Variants in CD8A observed in about 807,000 individuals in gnomAD.
CD8A encodes CD8 subunit alpha.
Under a neutral mutation model 24.2 loss-of-function variants are expected in CD8A, and 25 were observed. The observed-to-expected ratio is 1.03, with a 90% CI of 0.75 to 1.44. The LOEUF (loss-of-function observed/expected upper bound fraction) is 1.44. CD8A is among the 40% of genes most tolerant of loss of function. The pLI is 0.00. For missense variants in CD8A, 360 were observed against 319.7 expected (o/e 1.13, Z -0.96); for synonymous variants, 165 against 149.9 (o/e 1.10, Z -0.74).
At chr2:86,802,217 T>C (rs1315986940) in intron 2 of CD8A, among the ~76,000 whole-genome samples, 1 of 152,084 alleles carries the variant, frequency 6.6e-6, no homozygotes, top group Non-Finnish European at 1.5e-5. Flanking sequence ...TTTGTATTTT[T>C]AGTAGAGACA....
rs1553430165 is a variant in CD8A, at chr2:86,787,036, A to AAG, written c.657-1066_657-1065insCT. Among the ~76,000 whole-genome samples the AAG allele has an allele frequency of 1.3e-4, 19 of 141,146 alleles. No individual in the cohort carries two copies. In the East Asian group the frequency reaches 1.6e-3, roughly 12 times the overall value. The allele number at this position is 141,146 out of a possible 152,430, so 92.6% of individuals were successfully genotyped here. ...CTCCGTCTCAAAAAAAAAAAAAAAA[A>AAG]AAAAGAAAAGAAAAGAAAAGAAAAG... On this transcript the variant is annotated intron_variant, in intron 5 of 5. Transcript: ENST00000283635.
intron 2 of CD8A, among the ~76,000 whole-genome samples, chr2:86,806,369 TG>T (rs1673896972): frequency 6.6e-6 from 1 of 152,118 alleles, no homozygotes; most frequent in South Asian, 2.1e-4. Flanking sequence ...GGTGTGGACC[TG>T]GAAAAAGGAA....
intron 4 of CD8A, 47 bp downstream of exon 4, chr2:86,789,276 G>T: frequency 1.6e-6 from 2 of 1,244,852 alleles, no homozygotes; most frequent in Non-Finnish European, 1.2e-6. Flanking sequence ...AGAGCCAAGG[G>T]CAGGAGCGGG....
At chr2:86,803,979 C>A (rs1320387103) in intron 2 of CD8A, among the ~76,000 whole-genome samples, 1 of 152,164 alleles carries the variant, frequency 6.6e-6, no homozygotes, top group African/African-American at 2.4e-5. Context: ...ATGAACAAGT[C>A]AAATAAAGTA....
chr2:86,787,078 C>A (rs1293829812), intron 5 of CD8A, among the ~76,000 whole-genome samples: 1 of 125,796 alleles, frequency 7.9e-6, no homozygotes, highest in Admixed American at 8.9e-5. Context: ...ACTTCCCCCC[C>A]CACTTTTTTT....
intron 4 of CD8A, 87 bp downstream of exon 4, chr2:86,789,236 C>A: frequency 3.4e-6 from 3 of 877,794 alleles, no homozygotes; most frequent in Middle Eastern, 2.3e-4. Flanking sequence ...ACCCCAAGCT[C>A]CCCCCTCGCA....
rs201744175 is a variant in CD8A at position 86,786,012 on chromosome 2, C to T, written c.657-41G>A. The stretch of plus-strand genomic sequence containing the variant: ...GCGACCATCATTGTAGCCAGAACCC[C>T]GCCAGTGCAGCATCCATCCAGCCAC... On this transcript the variant is annotated intron_variant, in intron 5 of 5. Coordinates refer to ENST00000283635, the MANE Select transcript of CD8A (RefSeq NM_001768.7). 7.8e-6 allele frequency: 12 copies of T among 1,533,632 alleles called. No homozygotes were observed. In the Admixed American group the frequency reaches 8.3e-5, roughly 11 times the overall value.
chr2:86,789,358 A>AGAAG lies in CD8A; in HGVS notation c.586_589dup (p.Leu197ProfsTer53). ...GTAAAGGGTGATAACCAGTGACAGG[A>AGAAG]GAAGGACCCCACAAGTCCCGGCCAA... On this transcript the variant is annotated frameshift_variant, in exon 4 of 6. Transcript: ENST00000283635. LOFTEE classifies it high-confidence loss of function. The AGAAG allele has an allele frequency of 6.2e-7, 1 of 1,613,324 alleles. No homozygotes were observed. Among genetic ancestry groups the AGAAG allele is most frequent in the Non-Finnish European group, 8.5e-7 (1 of 1,179,252 alleles).
chr2:86,785,009 A>G lies in CD8A; in HGVS notation c.*911T>C, dbSNP rs1672935825. On this transcript the variant is annotated 3_prime_UTR_variant, in exon 6 of 6. Transcript: ENST00000283635. ...TTGTCTTTACAAAGTATAAAAAGTC[A>G]TCAGTGATCCCAGGAACATGTTTGT... The G allele has an allele frequency of 2.2e-6, 1 of 453,990 alleles. No individual in the cohort carries two copies. Among genetic ancestry groups the G allele is most frequent in the Non-Finnish European group, 4.4e-6 (1 of 226,798 alleles). 28.1% of individuals were successfully genotyped at this position (453,990 alleles called of 1,614,324 possible). A position where few individuals can be genotyped will look rare whatever the true frequency, so the allele number is the denominator to read the frequency against.
At position 86,785,680 on chromosome 2, in the gene CD8A, C is replaced by T. The variant is rs759655739; in HGVS notation, c.*240G>A. On this transcript the variant is annotated 3_prime_UTR_variant, in exon 6 of 6. Coordinates refer to ENST00000283635, the MANE Select transcript of CD8A (RefSeq NM_001768.7). ...AGCTCTGGCCTGCCCCTTTCCACGC[C>T]CTACCGCGATGTGCGCACAACAGTA... 3.1e-5 allele frequency: 21 copies of T among 683,978 alleles called. No homozygotes were observed. The highest frequency in any genetic ancestry group is 5.3e-5 in the Non-Finnish European group (20 of 373,898). The allele number at this position is 683,978 out of a possible 1,614,324, so 42.4% of individuals were successfully genotyped here. A position where few individuals can be genotyped will look rare whatever the true frequency, so the allele number is the denominator to read the frequency against.
chr2:86,793,524 A>C (rs1174942933), upstream of CD8A, among the ~76,000 whole-genome samples: 1 of 152,256 alleles, frequency 6.6e-6, no homozygotes, highest in African/African-American at 2.4e-5. Flanking sequence ...AAGTCCAGAC[A>C]GGCCACCAAC....
At position 86,788,284 on chromosome 2, in the gene CD8A, G is replaced by A. The variant is rs528396105; in HGVS notation, c.656+246C>T. The stretch of plus-strand genomic sequence containing the variant: ...TTTTTGGAAGTGCCAGGTCAAATAA[G>A]ATGGAGATTTACTGGAGTCACACTG... On this transcript the variant is annotated intron_variant, in intron 5 of 5. Coordinates refer to ENST00000283635, the MANE Select transcript of CD8A (RefSeq NM_001768.7). Among the ~76,000 whole-genome samples the A allele has an allele frequency of 1.1e-4, 13 of 117,326 alleles. No homozygotes were observed. In the South Asian group the frequency reaches 3.1e-3, roughly 28 times the overall value. The allele number at this position is 117,326 out of a possible 152,430, so 77.0% of individuals were successfully genotyped here. A position where few individuals can be genotyped will look rare whatever the true frequency, so the allele number is the denominator to read the frequency against.
intron 2 of CD8A, among the ~76,000 whole-genome samples, chr2:86,804,262 C>T (rs1241763417): frequency 1.3e-5 from 2 of 152,102 alleles, no homozygotes; most frequent in African/African-American, 4.8e-5. Flanking sequence ...AAAGGAAGTT[C>T]TGACACATGC....
In CD8A at chr2:86,790,503, G is replaced by T. The variant is rs753843448; in HGVS notation, c.228C>A (p.Asn76Lys). The T allele has an allele frequency of 4.3e-6, 7 of 1,614,124 alleles. No homozygotes were observed. Among genetic ancestry groups the T allele is most frequent in the Non-Finnish European group, 5.9e-6 (7 of 1,180,036 alleles). The change falls in exon 2 of 6, where the codon AAC becomes AAA. Residue 76 changes from asparagine (N) to lysine (K), a missense_variant. Coordinates refer to ENST00000283635, the MANE Select transcript of CD8A (RefSeq NM_001768.7). ...SPTFLLYLSQ[N>K]KPKAAEGLDT... ...CCAGCCCCTCGGCCGCCTTGGGCTTGTTTTGGGAGAGGTATAGGAGGAAGG... is the reference window on the plus strand; with the variant it reads ...CCAGCCCCTCGGCCGCCTTGGGCTTTTTTTGGGAGAGGTATAGGAGGAAGG...
chr2:86,799,976 T>C (rs932253177), intron 3 of CD8A, among the ~76,000 whole-genome samples: 2 of 151,846 alleles, frequency 1.3e-5, no homozygotes, highest in Admixed American at 1.3e-4. Context: ...GTCTGAGTTG[T>C]TAATTGGTTT....
intron 2 of CD8A, among the ~76,000 whole-genome samples, 187 bp from the exon 3 acceptor site, chr2:86,789,937 C>G (rs917097130): frequency 6.6e-6 from 1 of 151,804 alleles, no homozygotes; most frequent in Admixed American, 6.5e-5. Flanking sequence ...TCGGCTCAGC[C>G]CAGCGCACCC....
In CD8A at chr2:86,785,663, C is replaced by A. The variant is rs533432121; in HGVS notation, c.*257G>T. 1.5e-6 allele frequency: 1 copy of A among 668,830 alleles called. No individual in the cohort carries two copies. The highest frequency in any genetic ancestry group is 1.5e-5 in the South Asian group (1 of 66,502). The allele number at this position is 668,830 out of a possible 1,614,324, so 41.4% of individuals were successfully genotyped here. ...CTGAGAACTCTGCGGGTAGCTCTGG[C>A]CTGCCCCTTTCCACGCCCTACCGCG... On this transcript the variant is annotated 3_prime_UTR_variant, in exon 6 of 6. Coordinates refer to ENST00000283635, the MANE Select transcript of CD8A (RefSeq NM_001768.7).
At chr2:86,805,421 C>T (rs1183187712) in intron 2 of CD8A, among the ~76,000 whole-genome samples, 1 of 152,206 alleles carries the variant, frequency 6.6e-6, no homozygotes, top group Non-Finnish European at 1.5e-5. Context: ...TCTCCGAAGT[C>T]ATGGTTCCAG....
At chr2:86,799,478 C>T (rs777840452) in intron 3 of CD8A, among the ~76,000 whole-genome samples, 9 of 152,094 alleles carry the variant, frequency 5.9e-5, no homozygotes, top group Admixed American at 1.3e-4. Flanking sequence ...ATCTGGGGGC[C>T]GGGCACGGTG....
Sources: gnomAD v4.1 joint callset for allele counts (sites outside exome capture counted in the v4.1 genomes callset) on GRCh38, gnomAD v4.1.1 for gene constraint, MANE v1.5 for transcripts, NCBI Gene and HGNC (gene_info 2026-07-23, HGNC 2026-07-21) for gene names.